The following SLC22A23 variants were observed in gnomAD, a reference collection of about 807,000 sequenced individuals.
The protein encoded by SLC22A23 is solute carrier family 22 member 23, also known as ion transporter protein.
A neutral mutation model predicts 61.0 loss-of-function variants in SLC22A23; 26 were observed. The ratio of observed to expected loss-of-function variants is 0.43; its 90% CI spans 0.31 to 0.59. The LOEUF is 0.59. SLC22A23 is among the 20% of genes least tolerant of loss of function. The probability of loss-of-function intolerance (pLI) is 0.11; values close to 1 mark genes in which losing one functional copy is unlikely to be tolerated. For missense variants in SLC22A23, 796 were observed against 934.7 expected, an observed-to-expected ratio of 0.85 and a Z score of 1.94; for synonymous variants, 430 against 413.9, an observed-to-expected ratio of 1.04 and a Z score of -0.47.
At chr6:3,439,437 G>GAA (rs1171445553) in intron 1 of SLC22A23, 1 of 370,612 alleles carries the variant, frequency 2.7e-6, no homozygotes, top group African/African-American at 2.1e-5. Context: ...TCCACGTGAA[G>GAA]AAAAGGCTCT....
Position 3,390,817 on chromosome 6 carries a change from C to T in SLC22A23, c.913+19371G>A, listed in dbSNP as rs903209506. Among the ~76,000 whole-genome samples the T allele has an allele frequency of 6.6e-6, 1 of 152,182 alleles. No homozygotes were observed. The highest frequency in any genetic ancestry group is 1.5e-5 in the Non-Finnish European group (1 of 68,028). On this transcript the variant is annotated intron_variant, in intron 3 of 9. Coordinates refer to ENST00000406686, the MANE Select transcript of SLC22A23 (RefSeq NM_015482.2). This position sits in a 1 kb window ranked among gnomAD's most constrained non-coding sequence, Gnocchi z 4.0. Reference sequence around the variant, plus strand: ...AGGCCCTACAGGCTTCAATAATATGCTGCCTATCTGCCAAACCACTGGCTT... The same window carrying T: ...AGGCCCTACAGGCTTCAATAATATGTTGCCTATCTGCCAAACCACTGGCTT...
intron 5 of SLC22A23, among the ~76,000 whole-genome samples, chr6:3,295,043 C>T (rs576051304): frequency 3.3e-5 from 5 of 152,042 alleles, no homozygotes; most frequent in East Asian, 2.0e-4. Context: ...GTTCGTTTAG[C>T]CCATAAATAT....
Position 3,279,390 on chromosome 6 carries a change from A to T in SLC22A23, c.1703+4462T>A, listed in dbSNP as rs991840082. 4.6e-5 allele frequency among the ~76,000 whole-genome samples: 7 copies of T among 151,678 alleles called. No homozygotes were observed. In the South Asian group the frequency reaches 1.5e-3, roughly 32 times the overall value. ...GTTGGGTGTGGTGGCGCGTGCACGT[A>T]ATCCCAGCTGCTTGGGAGGCTGAGG... On this transcript the variant is annotated intron_variant, in intron 9 of 9. Coordinates refer to ENST00000406686, the MANE Select transcript of SLC22A23 (RefSeq NM_015482.2).
At chr6:3,363,325 C>G (rs879778367) in intron 3 of SLC22A23, among the ~76,000 whole-genome samples, 3 of 152,190 alleles carry the variant, frequency 2.0e-5, no homozygotes, top group Non-Finnish European at 4.4e-5. Flanking sequence ...ATTGAATGGT[C>G]AGCAATTGTC....
At chr6:3,336,259 G>C (rs770176402) in intron 3 of SLC22A23, among the ~76,000 whole-genome samples, 12 of 152,218 alleles carry the variant, frequency 7.9e-5, no homozygotes, top group Non-Finnish European at 1.6e-4. Flanking sequence ...ATCCACTTGG[G>C]TGGCGGGAAG....
chr6:3,456,974 G>C lies in SLC22A23; in HGVS notation c.-415C>G, dbSNP rs559989371. Reference sequence around the variant, plus strand: ...GCGGGCGGCGGTGCGGGCAAAGGCTGCTGCTCCCGGGGTGGCCGCGCTGTA... The same window carrying C: ...GCGGGCGGCGGTGCGGGCAAAGGCTCCTGCTCCCGGGGTGGCCGCGCTGTA... On this transcript the variant is annotated 5_prime_UTR_variant, in exon 1 of 10. Coordinates refer to ENST00000406686, the MANE Select transcript of SLC22A23 (RefSeq NM_015482.2). The surrounding 1 kb of genome is among the most constrained non-coding windows in gnomAD (Gnocchi z 7.1). 2 of 151,274 alleles carry C rather than the reference G, an allele frequency of 1.3e-5. No homozygotes were observed. The highest frequency in any genetic ancestry group is 2.4e-5 in the African/African-American group (1 of 41,420). 9.4% of individuals were successfully genotyped at this position (151,274 alleles called of 1,614,324 possible). A position where few individuals can be genotyped will look rare whatever the true frequency, so the allele number is the denominator to read the frequency against.
intron 4 of SLC22A23, chr6:3,311,774 T>C (rs1454908180): frequency 6.6e-6 from 1 of 152,260 alleles, no homozygotes; most frequent in Non-Finnish European, 1.5e-5. Context: ...TGTGTCTCTT[T>C]TGTCTTTCAA....
Position 3,272,968 on chromosome 6 carries a change from C to T in SLC22A23, c.*87G>A. 1.6e-6 allele frequency: 2 copies of T among 1,263,396 alleles called. No homozygotes were observed. Among genetic ancestry groups the T allele is most frequent in the Non-Finnish European group, 2.2e-6 (2 of 925,842 alleles). 78.3% of individuals were successfully genotyped at this position (1,263,396 alleles called of 1,614,324 possible). ...CTCAGCTTGGCTGAGGCAGCTTTCC[C>T]ACCCCTGGCTGCGTGTTCGGTCCCT... On this transcript the variant is annotated 3_prime_UTR_variant, in exon 10 of 10. Transcript: ENST00000406686.
intron 3 of SLC22A23, among the ~76,000 whole-genome samples, chr6:3,405,406 C>T (rs796481032): frequency 2.2e-4 from 33 of 152,308 alleles, no homozygotes; most frequent in African/African-American, 6.5e-4. Context: ...GGAAGGCCCA[C>T]GTATCTGAAG....
intron 4 of SLC22A23, chr6:3,312,077 A>G (rs9328158): frequency 0.093 from 14,212 of 152,302 alleles, 937 homozygotes; most frequent in East Asian, 0.24. Context: ...TGCTGCTTTA[A>G]GTTTTTGCCA....
chr6:3,425,029 T>C (rs534148888), intron 1 of SLC22A23, among the ~76,000 whole-genome samples: 1 of 152,344 alleles, frequency 6.6e-6, no homozygotes, highest in South Asian at 2.1e-4. Flanking sequence ...TGCTCCCGTG[T>C]CCACCCGTGT....
chr6:3,308,280 C>T lies in SLC22A23; in HGVS notation c.1083-10062G>A, dbSNP rs907868688. ...CCAATCCCAGTGCCCCTGCACTCAC[C>T]CTCCCGTCCTCCAGGGCTAAGCCCT... is the stretch of plus-strand genomic sequence containing the variant. On this transcript the variant is annotated intron_variant, in intron 4 of 9. Coordinates refer to ENST00000406686, the MANE Select transcript of SLC22A23 (RefSeq NM_015482.2). The surrounding 1 kb of genome is among the most constrained non-coding windows in gnomAD (Gnocchi z 5.1). Among the ~76,000 whole-genome samples, 4 of 152,180 alleles carry T rather than the reference C, an allele frequency of 2.6e-5. No individual in the cohort carries two copies. The highest frequency in any genetic ancestry group is 9.7e-5 in the African/African-American group (4 of 41,446).
At position 3,452,967 on chromosome 6, in the gene SLC22A23, G is replaced by C. The variant is rs150799632; in HGVS notation, c.654+2939C>G. ...GGAAAACAACATTGGAGGGGTTGGT[G>C]ATCATGGTCTGGAAGCAGAAGTATG... On this transcript the variant is annotated intron_variant, in intron 1 of 9. Transcript: ENST00000406686. Among the ~76,000 whole-genome samples, 3 of 152,300 alleles carry C rather than the reference G, an allele frequency of 2.0e-5. No homozygotes were observed. In the East Asian group the frequency reaches 5.8e-4, roughly 29 times the overall value.
At chr6:3,289,729 T>G in intron 6 of SLC22A23, 35 bp downstream of exon 6, 1 of 1,510,070 alleles carries the variant, frequency 6.6e-7, no homozygotes, top group Non-Finnish European at 9.2e-7. Context: ...CCTGGCCCCC[T>G]CCCACCCAGC....
At chr6:3,399,833 C>T (rs900185240) in intron 3 of SLC22A23, among the ~76,000 whole-genome samples, 27 of 152,002 alleles carry the variant, frequency 1.8e-4, no homozygotes, top group Non-Finnish European at 3.5e-4. Flanking sequence ...GTTTATTGTC[C>T]TCTCCTACCC....
chr6:3,410,524 G>C lies in SLC22A23; in HGVS notation c.759-182C>G, dbSNP rs1718166373. 2.0e-5 allele frequency among the ~76,000 whole-genome samples: 3 copies of C among 152,082 alleles called. No homozygotes were observed. Among genetic ancestry groups the C allele is most frequent in the Admixed American group, 6.5e-5 (1 of 15,272 alleles). ...TACTATGGGTAAAAAGGGAGATTTAGCCCAACCCCCTAATTCTCGAGATAA... is the reference window on the plus strand; with the variant it reads ...TACTATGGGTAAAAAGGGAGATTTACCCCAACCCCCTAATTCTCGAGATAA... On this transcript the variant is annotated intron_variant, in intron 2 of 9. Coordinates refer to ENST00000406686, the MANE Select transcript of SLC22A23 (RefSeq NM_015482.2). The surrounding 1 kb of genome is among the most constrained non-coding windows in gnomAD (Gnocchi z 5.0).
intron 3 of SLC22A23, among the ~76,000 whole-genome samples, chr6:3,383,081 G>A (rs1313092881): frequency 6.6e-6 from 1 of 152,176 alleles, no homozygotes; most frequent in Non-Finnish European, 1.5e-5. Flanking sequence ...ATAGAGAGAT[G>A]TATAAAAGCA....
chr6:3,375,544 G>C (rs1408930434), intron 3 of SLC22A23, among the ~76,000 whole-genome samples: 1 of 152,224 alleles, frequency 6.6e-6, no homozygotes, highest in Non-Finnish European at 1.5e-5. Context: ...ATCACTGTGG[G>C]CAGGGATATG....
At chr6:3,283,781 A>G (rs1291145213) in intron 9 of SLC22A23, 71 bp downstream of exon 9, 1 of 1,601,060 alleles carries the variant, frequency 6.2e-7, no homozygotes, top group Non-Finnish European at 8.5e-7. Context: ...ATCCCACACC[A>G]GCCTGGAGCC....
Sources: allele counts gnomAD v4.1 joint callset (sites outside exome capture counted in the v4.1 genomes callset), GRCh38; gene constraint gnomAD v4.1.1; non-coding constraint Gnocchi (gnomAD v3.1); transcripts MANE v1.5; gene names NCBI Gene and HGNC (gene_info 2026-07-23, HGNC 2026-07-21).